The following PDE10A variants were observed in gnomAD, a reference collection of about 807,000 sequenced individuals.
The protein encoded by PDE10A is phosphodiesterase 10A, also known as cAMP and cAMP-inhibited cGMP 3',5'-cyclic phosphodiesterase 10A.
Under a neutral mutation model 97.7 loss-of-function variants are expected in PDE10A, and 39 were observed. The observed-to-expected ratio is 0.40, with a 90% CI of 0.31 to 0.52. The LOEUF (loss-of-function observed/expected upper bound fraction) is 0.52, where lower values mean the gene tolerates loss of function less well. Ranked by LOEUF, PDE10A falls within the 20% of genes least tolerant of loss-of-function variation. The probability of loss-of-function intolerance (pLI) is 0.56; values close to 1 mark genes in which losing one functional copy is unlikely to be tolerated. For missense variants in PDE10A, 731 were observed against 1,047.8 expected (o/e 0.70, Z 4.17); for synonymous variants, 371 against 376.8 (o/e 0.98, Z 0.18).
At chr6:165,519,433 G>C (rs1022571187) in intron 2 of PDE10A, among the ~76,000 whole-genome samples, 2 of 151,468 alleles carry the variant, frequency 1.3e-5, no homozygotes, top group African/African-American at 4.9e-5. Context: ...GGTAATAATT[G>C]AGAAATCTCA....
chr6:165,724,851 T>G (rs975934509), intron 1 of PDE10A, among the ~76,000 whole-genome samples: 4 of 152,176 alleles, frequency 2.6e-5, no homozygotes, highest in African/African-American at 9.7e-5. Context: ...CAGTGCATCT[T>G]CCTCACTACA....
chr6:165,332,994 A>T lies in PDE10A; in HGVS notation c.*31T>A. 1.2e-6 allele frequency: 1 copy of T among 852,074 alleles called. No homozygotes were observed. The highest frequency in any genetic ancestry group is 1.8e-6 in the Non-Finnish European group (1 of 549,072). 52.8% of individuals were successfully genotyped at this position (852,074 alleles called of 1,614,324 possible). ...TCAAAGAAGCAAGATGAGGATCTGT[A>T]GGTGGGACAGCGTGTCAGGGTGACC... On this transcript the variant is annotated 3_prime_UTR_variant, in exon 22 of 22. Coordinates refer to ENST00000539869, the MANE Select transcript of PDE10A (RefSeq NM_001385079.1).
chr6:165,343,291 A>G, intron 19 of PDE10A, 100 bp downstream of exon 19: 6 of 829,176 alleles, frequency 7.2e-6, no homozygotes, highest in Non-Finnish European at 1.2e-5. Flanking sequence ...CAGTTCTCTG[A>G]AATAACTATC....
At chr6:165,563,902 A>T (rs1037332171) in intron 1 of PDE10A, among the ~76,000 whole-genome samples, 1 of 151,206 alleles carries the variant, frequency 6.6e-6, no homozygotes, top group Non-Finnish European at 1.5e-5. Flanking sequence ...AAAAAAAAAA[A>T]GGTAGCTATA....
chr6:165,619,288 CATA>C (rs1787918371), intron 1 of PDE10A, among the ~76,000 whole-genome samples: 8 of 34,130 alleles, frequency 2.3e-4, no homozygotes, highest in African/African-American at 8.4e-4. Flanking sequence ...TGTAGTCTAG[CATA>C]GTCTAGTGTA....
At chr6:165,489,337 G>A (rs1200029077) in intron 2 of PDE10A, among the ~76,000 whole-genome samples, 2 of 152,146 alleles carry the variant, frequency 1.3e-5, no homozygotes, top group Non-Finnish European at 2.9e-5. Flanking sequence ...GTTACATTCA[G>A]AAGATAAATA....
At chr6:165,550,614 T>C (rs1783965661) in intron 1 of PDE10A, among the ~76,000 whole-genome samples, 1 of 152,262 alleles carries the variant, frequency 6.6e-6, no homozygotes, top group South Asian at 2.1e-4. Context: ...TTAATCTGAA[T>C]GTTATTAAGT....
intron 1 of PDE10A, among the ~76,000 whole-genome samples, chr6:165,652,674 C>T (rs979299166): frequency 5.9e-5 from 9 of 152,158 alleles, no homozygotes; most frequent in African/African-American, 2.2e-4. Context: ...CTGTTAGTCT[C>T]TTTTTTTCCA....
intron 1 of PDE10A, among the ~76,000 whole-genome samples, chr6:165,766,955 G>T (rs1777867557): frequency 6.6e-6 from 1 of 152,160 alleles, no homozygotes; most frequent in South Asian, 2.1e-4. Context: ...CTAACTACTT[G>T]AGTCTTTCAA....
intron 1 of PDE10A, among the ~76,000 whole-genome samples, chr6:165,695,591 G>T (rs1486832125): frequency 6.6e-6 from 1 of 152,204 alleles, no homozygotes; most frequent in Non-Finnish European, 1.5e-5. Flanking sequence ...TTGGGAGTGG[G>T]GGAGAGGTGC....
intron 18 of PDE10A, among the ~76,000 whole-genome samples, chr6:165,369,928 A>G (rs2128199916): frequency 6.6e-6 from 1 of 152,228 alleles, no homozygotes; most frequent in Non-Finnish European, 1.5e-5. Context: ...AATATTCAAC[A>G]TTCTTAAAAG....
chr6:165,596,344 C>T (rs1482168492), intron 1 of PDE10A, among the ~76,000 whole-genome samples: 1 of 152,206 alleles, frequency 6.6e-6, no homozygotes, highest in Non-Finnish European at 1.5e-5. Context: ...CAATCGTCTC[C>T]CTGCGTCTGC....
chr6:165,479,877 C>T (rs1349323021), intron 3 of PDE10A, among the ~76,000 whole-genome samples: 1 of 152,088 alleles, frequency 6.6e-6, no homozygotes, highest in Non-Finnish European at 1.5e-5. Flanking sequence ...GGTCTGACTT[C>T]ATGAAAAAAT....
chr6:165,800,826 C>T (rs1778964406), intron 1 of PDE10A, among the ~76,000 whole-genome samples: 1 of 152,126 alleles, frequency 6.6e-6, no homozygotes, highest in African/African-American at 2.4e-5. Flanking sequence ...ATTTAAAATC[C>T]ATTTAGAGGG....
rs538659025 is a variant in PDE10A, at chr6:165,546,408, G to T, written c.866-2840C>A. Among the ~76,000 whole-genome samples, 12 of 152,140 alleles carry T rather than the reference G, an allele frequency of 7.9e-5. No homozygotes were observed. In the South Asian group the frequency reaches 2.5e-3, roughly 32 times the overall value. ...TATAGCACAAAGAGTAAACTATCAC[G>T]TATGTAAATTTTTAAAAACTCAATT... On this transcript the variant is annotated intron_variant, in intron 1 of 21. Coordinates refer to ENST00000539869, the MANE Select transcript of PDE10A (RefSeq NM_001385079.1).
intron 2 of PDE10A, among the ~76,000 whole-genome samples, chr6:165,539,356 T>C (rs643066): frequency 0.59 from 90,062 of 152,122 alleles, 30,313 homozygotes; most frequent in Non-Finnish European, 0.75. Context: ...TCATGTTATA[T>C]ACATTTCCCA....
At chr6:165,697,897 A>G (rs1417778405) in intron 1 of PDE10A, among the ~76,000 whole-genome samples, 4 of 152,206 alleles carry the variant, frequency 2.6e-5, no homozygotes, top group Non-Finnish European at 2.9e-5. Context: ...TTAAATATCA[A>G]TTGCAACTAC....
chr6:165,774,487 T>G (rs1473889903), intron 1 of PDE10A, among the ~76,000 whole-genome samples: 1 of 147,934 alleles, frequency 6.8e-6, no homozygotes, highest in East Asian at 1.9e-4. Context: ...TATAAAAATA[T>G]GTATAGATAT....
intron 9 of PDE10A, among the ~76,000 whole-genome samples, chr6:165,430,036 T>A (rs1789441968): frequency 6.6e-6 from 1 of 152,176 alleles, no homozygotes; most frequent in Non-Finnish European, 1.5e-5. Context: ...ATTCTCAGTC[T>A]ATTTAGAAAA....
Sources: allele counts gnomAD v4.1 joint callset (sites outside exome capture counted in the v4.1 genomes callset), GRCh38; gene constraint gnomAD v4.1.1; transcripts MANE v1.5; gene names NCBI Gene and HGNC (gene_info 2026-07-23, HGNC 2026-07-21).